Variants in CA8 observed in about 807,000 individuals in gnomAD.
CA8 encodes carbonic anhydrase-related protein.
A neutral mutation model predicts 41.4 loss-of-function variants in CA8; 22 were observed. That is an observed-to-expected ratio of 0.53 (90% CI 0.38 to 0.76). CA8 has a LOEUF of 0.76. Among genes scored for constraint, CA8 ranks in the 30% least tolerant of loss-of-function variants. CA8 has a pLI of 0.00. For missense variants in CA8, 270 were observed against 352.8 expected, an observed-to-expected ratio of 0.77 and a Z score of 1.88; for synonymous variants, 121 against 130.6, an observed-to-expected ratio of 0.93 and a Z score of 0.50.
rs62509955 is a variant in CA8 at position 60,185,984 on chromosome 8, A to C, written c.*4037T>G. On this transcript the variant is annotated 3_prime_UTR_variant, in exon 9 of 9. Coordinates refer to ENST00000317995, the MANE Select transcript of CA8 (RefSeq NM_004056.6). Reference sequence around the variant, plus strand: ...TGCTTTAGACCCAGAACATATACAAATGTGACATATTTGACAATGACAACA... The same window carrying C: ...TGCTTTAGACCCAGAACATATACAACTGTGACATATTTGACAATGACAACA... Among the ~76,000 whole-genome samples the C allele has an allele frequency of 0.046, 6,968 of 152,240 alleles. 199 individuals are homozygous for C. The highest frequency in any genetic ancestry group is 0.098 in the South Asian group (472 of 4,830).
rs1328483979 is a variant in CA8, at chr8:60,189,820, C to T, written c.*201G>A. 1 of 152,368 alleles carries T rather than the reference C, an allele frequency of 6.6e-6. No individual in the cohort carries two copies. The highest frequency in any genetic ancestry group is 1.5e-5 in the Non-Finnish European group (1 of 67,968). The allele number at this position is 152,368 out of a possible 1,614,324, so 9.4% of individuals were successfully genotyped here. On this transcript the variant is annotated 3_prime_UTR_variant, in exon 9 of 9. Transcript: ENST00000317995. ...ATAGGGTTTCTTTGGAATATACAGC[C>T]ATTTCTAATATTTCATTTCAGCAAG...
At chr8:60,258,558 T>A (rs946527148) in intron 3 of CA8, among the ~76,000 whole-genome samples, 5 of 152,162 alleles carry the variant, frequency 3.3e-5, no homozygotes, top group Admixed American at 1.3e-4. Flanking sequence ...TCAGGATGAT[T>A]CAAGTGCATT....
intron 2 of CA8, among the ~76,000 whole-genome samples, chr8:60,270,943 T>C (rs1804050582): frequency 1.3e-5 from 2 of 152,116 alleles, no homozygotes; most frequent in South Asian, 2.1e-4. Flanking sequence ...ATCATAACAA[T>C]AGCACAGAGA....
intron 3 of CA8, among the ~76,000 whole-genome samples, chr8:60,250,959 A>G (rs1328366964): frequency 2.6e-5 from 4 of 152,220 alleles, no homozygotes; most frequent in African/African-American, 9.6e-5. Context: ...AGACTATTAT[A>G]AAACAGTTAT....
chr8:60,208,702 G>A, intron 8 of CA8, 48 bp downstream of exon 8: 1 of 1,512,966 alleles, frequency 6.6e-7, no homozygotes, highest in East Asian at 2.3e-5. Flanking sequence ...TGGTACGCTA[G>A]GTTTAAGTAG....
intron 3 of CA8, chr8:60,265,204 G>A (rs959720746): frequency 5.9e-5 from 9 of 152,306 alleles, no homozygotes; most frequent in African/African-American, 1.9e-4. Context: ...GGGGTGAGAG[G>A]GAGCTTCGGT....
At chr8:60,202,837 T>C (rs1806472289) in intron 8 of CA8, among the ~76,000 whole-genome samples, 1 of 152,224 alleles carries the variant, frequency 6.6e-6, no homozygotes, top group South Asian at 2.1e-4. Flanking sequence ...TGAAATGCTG[T>C]ATACTATACC....
At chr8:60,270,685 A>G (rs7464531) in intron 2 of CA8, among the ~76,000 whole-genome samples, 91,667 of 152,094 alleles carry the variant, frequency 0.6, 28,644 homozygotes, top group African/African-American at 0.79. Context: ...CAAAGTGCGT[A>G]GATTACAGGC....
At position 60,239,181 on chromosome 8, in the gene CA8, G is replaced by A. The variant is rs150624377; in HGVS notation, c.418-6802C>T. ...TGCAGTGACAAAATCACAGCTCACCGCAGCCTTGAACTCCTGGGCTCAGGT... is the reference window on the plus strand; with the variant it reads ...TGCAGTGACAAAATCACAGCTCACCACAGCCTTGAACTCCTGGGCTCAGGT... On this transcript the variant is annotated intron_variant, in intron 3 of 8. Transcript: ENST00000317995. 7.4e-4 allele frequency among the ~76,000 whole-genome samples: 113 copies of A among 152,252 alleles called. No homozygotes were observed. In the East Asian group the frequency reaches 7.5e-3, roughly 10 times the overall value.
At chr8:60,201,801 C>G (rs1031477925) in intron 8 of CA8, among the ~76,000 whole-genome samples, 2 of 152,130 alleles carry the variant, frequency 1.3e-5, no homozygotes, top group Non-Finnish European at 2.9e-5. Flanking sequence ...CTAGATTGGT[C>G]AACTAGGTTT....
chr8:60,228,912 C>T (rs1268500981), intron 4 of CA8, among the ~76,000 whole-genome samples: 1 of 152,096 alleles, frequency 6.6e-6, no homozygotes, highest in East Asian at 1.9e-4. Context: ...CTTTTCCTTC[C>T]TTGCCAAATT....
chr8:60,190,855 A>G (rs1806100092), intron 8 of CA8, among the ~76,000 whole-genome samples: 1 of 150,398 alleles, frequency 6.6e-6, no homozygotes, highest in African/African-American at 2.4e-5. Flanking sequence ...CCTTTCCTTA[A>G]TAAATTATAT....
intron 8 of CA8, 147 bp downstream of exon 8, chr8:60,208,603 C>G: frequency 1.4e-6 from 1 of 693,554 alleles, no homozygotes; most frequent in Non-Finnish European, 2.5e-6. Flanking sequence ...CTGTAATTAA[C>G]AGAGCTCAAG....
At chr8:60,205,912 T>C (rs1806561544) in intron 8 of CA8, among the ~76,000 whole-genome samples, 1 of 152,228 alleles carries the variant, frequency 6.6e-6, no homozygotes, top group Non-Finnish European at 1.5e-5. Context: ...AATGAAACAT[T>C]CATGCATTAA....
At chr8:60,238,697 T>C (rs1405547691) in intron 3 of CA8, among the ~76,000 whole-genome samples, 2 of 152,132 alleles carry the variant, frequency 1.3e-5, no homozygotes, top group African/African-American at 2.4e-5. Flanking sequence ...GTTGAAAATC[T>C]CTGATTTCCT....
At chr8:60,261,120 C>A (rs908497533) in intron 3 of CA8, among the ~76,000 whole-genome samples, 1 of 151,986 alleles carries the variant, frequency 6.6e-6, no homozygotes, top group Non-Finnish European at 1.5e-5. Context: ...GGCGACCTGG[C>A]ACAGGGGCCA....
chr8:60,191,740 T>TA (rs912262960), intron 8 of CA8, among the ~76,000 whole-genome samples: 1 of 152,140 alleles, frequency 6.6e-6, no homozygotes, highest in African/African-American at 2.4e-5. Context: ...ATAAAGAATA[T>TA]ATCCAGCCTT....
intron 3 of CA8, among the ~76,000 whole-genome samples, chr8:60,248,362 T>C (rs1377924850): frequency 6.6e-6 from 1 of 152,244 alleles, no homozygotes; most frequent in Non-Finnish European, 1.5e-5. Context: ...CTTGGTTTTC[T>C]TCTAGGGATT....
chr8:60,207,359 C>A (rs143959424), intron 8 of CA8, among the ~76,000 whole-genome samples: 344 of 152,328 alleles, frequency 2.3e-3, no homozygotes, highest in African/African-American at 8.1e-3. Flanking sequence ...ACACCCAATA[C>A]GTCCCTATTT....
Sources: gnomAD v4.1 joint callset for allele counts (sites outside exome capture counted in the v4.1 genomes callset) on GRCh38, gnomAD v4.1.1 for gene constraint, MANE v1.5 for transcripts, NCBI Gene and HGNC (gene_info 2026-07-23, HGNC 2026-07-21) for gene names.